Variants in ROBO1 observed in about 807,000 individuals in gnomAD.
ROBO1 encodes the protein roundabout homolog 1.
A neutral mutation model predicts 195.9 loss-of-function variants in ROBO1; 149 were observed. That is an observed-to-expected ratio of 0.76 (90% CI 0.67 to 0.87). The LOEUF (loss-of-function observed/expected upper bound fraction) is 0.87, where lower values mean the gene tolerates loss of function less well. Ranked by LOEUF, ROBO1 falls within the 40% of genes least tolerant of loss-of-function variation. ROBO1 has a pLI of 0.00. For missense variants in ROBO1, 1,933 were observed against 2,068.3 expected, an observed-to-expected ratio of 0.93 and a Z score of 1.27; for synonymous variants, 816 against 733.2, an observed-to-expected ratio of 1.11 and a Z score of -1.82.
intron 1 of ROBO1, among the ~76,000 whole-genome samples, chr3:79,704,970 T>G (rs1418231137): frequency 6.6e-6 from 1 of 152,036 alleles, no homozygotes; most frequent in Admixed American, 6.6e-5. Flanking sequence ...CTTATTTGCC[T>G]TCTCTATATC....
intron 3 of ROBO1, among the ~76,000 whole-genome samples, chr3:79,092,137 T>C (rs1576663636): frequency 6.6e-6 from 1 of 152,070 alleles, no homozygotes; most frequent in Non-Finnish European, 1.5e-5. Context: ...GGAAACATAG[T>C]TGGATTGTTA....
At chr3:78,814,291 A>G (rs1229116961) in intron 4 of ROBO1, among the ~76,000 whole-genome samples, 3 of 152,126 alleles carry the variant, frequency 2.0e-5, no homozygotes, top group African/African-American at 7.2e-5. Context: ...AAAACTAAAA[A>G]GTTGAAATTA....
intron 2 of ROBO1, among the ~76,000 whole-genome samples, chr3:79,209,681 T>G (rs569860245): frequency 6.6e-6 from 1 of 152,212 alleles, no homozygotes; most frequent in East Asian, 1.9e-4. Flanking sequence ...TTTTTAATTT[T>G]TTTAAATTAT....
At chr3:79,410,128 T>G (rs2037706792) in intron 2 of ROBO1, among the ~76,000 whole-genome samples, 1 of 152,058 alleles carries the variant, frequency 6.6e-6, no homozygotes, top group South Asian at 2.1e-4. Context: ...ATTAACGGAG[T>G]GAATGTTTCT....
intron 4 of ROBO1, among the ~76,000 whole-genome samples, chr3:78,782,908 T>TA (rs1272314462): frequency 3.9e-5 from 6 of 152,190 alleles, no homozygotes; most frequent in African/African-American, 1.4e-4. Flanking sequence ...AAGAGTGGTT[T>TA]AACGTATGCC....
intron 3 of ROBO1, among the ~76,000 whole-genome samples, chr3:79,071,732 A>ACACG (rs1368022332): frequency 1.4e-5 from 2 of 148,096 alleles, no homozygotes; most frequent in South Asian, 2.1e-4. Context: ...ATGCACACAC[A>ACACG]CACACACGCA....
intron 4 of ROBO1, among the ~76,000 whole-genome samples, chr3:78,783,697 G>A (rs2083748237): frequency 6.6e-6 from 1 of 152,160 alleles, no homozygotes; most frequent in Non-Finnish European, 1.5e-5. Context: ...ATTCATAGAA[G>A]TCAAGGGTTT....
chr3:78,992,023 A>G (rs999099196), intron 3 of ROBO1, among the ~76,000 whole-genome samples: 2 of 152,234 alleles, frequency 1.3e-5, no homozygotes, highest in Non-Finnish European at 2.9e-5. Context: ...ATTTTAAATT[A>G]TGGCTAAAAT....
At chr3:79,390,397 G>C (rs2036904847) in intron 2 of ROBO1, among the ~76,000 whole-genome samples, 1 of 152,104 alleles carries the variant, frequency 6.6e-6, no homozygotes, top group Non-Finnish European at 1.5e-5. Flanking sequence ...AGCTCATTTA[G>C]AGAAAGATTG....
intron 4 of ROBO1, among the ~76,000 whole-genome samples, chr3:78,830,107 C>T (rs1014409414): frequency 2.0e-5 from 3 of 152,194 alleles, no homozygotes; most frequent in Non-Finnish European, 2.9e-5. Context: ...AAAACAAATC[C>T]GCCCATGATG....
chr3:79,667,183 T>C (rs1250738072), intron 1 of ROBO1, among the ~76,000 whole-genome samples: 2 of 151,892 alleles, frequency 1.3e-5, no homozygotes, highest in Admixed American at 1.3e-4. Flanking sequence ...AAATATACTT[T>C]CTTTTTAAAG....
At chr3:79,088,078 TTGA>T (rs751386628) in intron 3 of ROBO1, among the ~76,000 whole-genome samples, 10 of 152,170 alleles carry the variant, frequency 6.6e-5, no homozygotes, top group African/African-American at 1.2e-4. Context: ...TCAACTAGTG[TTGA>T]TGACGGTTGT....
At chr3:78,612,811 G>A (rs1703898831) in intron 28 of ROBO1, among the ~76,000 whole-genome samples, 1 of 152,026 alleles carries the variant, frequency 6.6e-6, no homozygotes, top group Non-Finnish European at 1.5e-5. Context: ...CTTTTACATT[G>A]CAGTATACAC....
At chr3:79,549,776 AAG>A (rs1343531903) in intron 2 of ROBO1, among the ~76,000 whole-genome samples, 72 of 152,196 alleles carry the variant, frequency 4.7e-4, no homozygotes, top group African/African-American at 1.7e-3. Flanking sequence ...TCTGCAGAAA[AAG>A]AGGGTAGCCC....
chr3:78,754,590 A>G (rs1171424815), intron 4 of ROBO1, among the ~76,000 whole-genome samples: 3 of 152,208 alleles, frequency 2.0e-5, no homozygotes, highest in Non-Finnish European at 4.4e-5. Context: ...TCCAAGACAC[A>G]GGAGGTATCC....
chr3:79,644,514 A>G (rs539337031), intron 1 of ROBO1, among the ~76,000 whole-genome samples: 1 of 152,140 alleles, frequency 6.6e-6, no homozygotes, highest in Non-Finnish European at 1.5e-5. Context: ...ACAGGCAAAG[A>G]AAGAGAGCTT....
chr3:79,594,600 C>T (rs1040031583), intron 1 of ROBO1, among the ~76,000 whole-genome samples: 3 of 151,844 alleles, frequency 2.0e-5, no homozygotes, highest in Non-Finnish European at 4.4e-5. Flanking sequence ...ATTGTTCCAC[C>T]ATGAATCCTA....
intron 2 of ROBO1, among the ~76,000 whole-genome samples, chr3:79,355,941 G>T (rs1352277600): frequency 6.6e-6 from 1 of 152,124 alleles, no homozygotes; most frequent in Non-Finnish European, 1.5e-5. Flanking sequence ...TAGTAGAATT[G>T]CTGGATCATA....
rs138681812 is a variant in ROBO1, at chr3:78,995,599, T to C, written c.173-56672A>G. On this transcript the variant is annotated intron_variant, in intron 3 of 30. Transcript: ENST00000464233. ...TTAACACCATCTTAATTCACGTTTA[T>C]GTTCTTTAAAAAATTCTAGGTCTGA... 3.3e-3 allele frequency among the ~76,000 whole-genome samples: 497 copies of C among 152,066 alleles called. 1 individual carries two copies. Among genetic ancestry groups the C allele is most frequent in the African/African-American group, 0.011 (469 of 41,500 alleles).
Sources: allele counts gnomAD v4.1 joint callset (sites outside exome capture counted in the v4.1 genomes callset), GRCh38; gene constraint gnomAD v4.1.1; transcripts MANE v1.5; gene names NCBI Gene and HGNC (gene_info 2026-07-23, HGNC 2026-07-21).